The following IGF1R variants were observed in gnomAD, a reference collection of about 807,000 sequenced individuals.
IGF1R encodes insulin-like growth factor 1 receptor.
Under a neutral mutation model 144.6 loss-of-function variants are expected in IGF1R, and 44 were observed. The observed-to-expected ratio is 0.30, with a 90% CI of 0.24 to 0.39. The LOEUF is 0.39. Among genes scored for constraint, IGF1R ranks in the 10% least tolerant of loss-of-function variants. IGF1R has a pLI of 1.00. For synonymous variants in IGF1R, 795 were observed against 722.8 expected, an observed-to-expected ratio of 1.10 and a Z score of -1.60; for missense variants, 1,355 against 1,833.7, an observed-to-expected ratio of 0.74 and a Z score of 4.77.
intron 2 of IGF1R, among the ~76,000 whole-genome samples, chr15:98,723,862 A>C (rs2054300445): frequency 6.6e-6 from 1 of 152,062 alleles, no homozygotes; most frequent in Admixed American, 6.5e-5. Context: ...TTTTTTGTTT[A>C]TTAAGTGGGG....
chr15:98,701,744 A>G (rs1015177028), intron 1 of IGF1R, among the ~76,000 whole-genome samples: 1 of 152,202 alleles, frequency 6.6e-6, no homozygotes, highest in African/African-American at 2.4e-5. Context: ...AGGGATAATC[A>G]GTGTTTTTGC....
At position 98,960,683 on chromosome 15, in the gene IGF1R, C is replaced by T. The variant is rs367863292; in HGVS notation, c.*3241C>T. On this transcript the variant is annotated 3_prime_UTR_variant, in exon 21 of 21. Transcript: ENST00000650285. ...ATTGAGCACAAAGGTGCAGCTGCAG[C>T]AGCAGCTGGAGAGCAAGAGTCACCC... 13 of 233,316 alleles carry T rather than the reference C, an allele frequency of 5.6e-5. 1 individual carries two copies. The highest frequency in any genetic ancestry group is 3.0e-4 in the East Asian group (5 of 16,610). 14.5% of individuals were successfully genotyped at this position (233,316 alleles called of 1,614,324 possible).
chr15:98,657,075 C>T (rs947190808), intron 1 of IGF1R, among the ~76,000 whole-genome samples: 5 of 152,152 alleles, frequency 3.3e-5, no homozygotes, highest in Non-Finnish European at 7.3e-5. Flanking sequence ...TTGTCCTCTG[C>T]TGTAAAAAAT....
intron 2 of IGF1R, among the ~76,000 whole-genome samples, chr15:98,708,803 A>C (rs2053926639): frequency 6.6e-6 from 1 of 152,200 alleles, no homozygotes; most frequent in Non-Finnish European, 1.5e-5. Context: ...TCGTTCTTTT[A>C]TACCTGTTTA....
chr15:98,858,788 C>T (rs2011978031), intron 2 of IGF1R, among the ~76,000 whole-genome samples: 1 of 152,216 alleles, frequency 6.6e-6, no homozygotes, highest in African/African-American at 2.4e-5. Context: ...GCATCATCAT[C>T]CTTATCAGCA....
At chr15:98,909,308 C>G (rs1342203293) in intron 6 of IGF1R, among the ~76,000 whole-genome samples, 2 of 124,542 alleles carry the variant, frequency 1.6e-5, no homozygotes, top group Non-Finnish European at 3.2e-5. Flanking sequence ...GTCACCCAGG[C>G]TGGGGTGCAG....
chr15:98,906,883 A>T (rs2014758389), intron 5 of IGF1R, among the ~76,000 whole-genome samples: 1 of 152,186 alleles, frequency 6.6e-6, no homozygotes, highest in South Asian at 2.1e-4. Flanking sequence ...TTGTGTGCTC[A>T]CTGCACCCCT....
chr15:98,720,394 C>T (rs1306231877), intron 2 of IGF1R, among the ~76,000 whole-genome samples: 1 of 152,172 alleles, frequency 6.6e-6, no homozygotes, highest in Non-Finnish European at 1.5e-5. Flanking sequence ...TTGGGGACCT[C>T]GGATAGATCT....
chr15:98,852,600 C>A (rs1397786402), intron 2 of IGF1R, among the ~76,000 whole-genome samples: 1 of 152,034 alleles, frequency 6.6e-6, no homozygotes, highest in Admixed American at 6.5e-5. Flanking sequence ...AAGATGTGTT[C>A]CCCCCACTAA....
intron 2 of IGF1R, among the ~76,000 whole-genome samples, chr15:98,846,520 C>T (rs1054512088): frequency 6.6e-6 from 1 of 152,182 alleles, no homozygotes; most frequent in Non-Finnish European, 1.5e-5. Context: ...CCCAGTAGTT[C>T]TGCTGACAAG....
chr15:98,879,436 A>G (rs28448593), intron 2 of IGF1R, among the ~76,000 whole-genome samples: 39,199 of 151,956 alleles, frequency 0.26, 5,408 homozygotes, highest in East Asian at 0.42. Flanking sequence ...GCATTTCTGT[A>G]AAGATGAGGC....
intron 2 of IGF1R, among the ~76,000 whole-genome samples, chr15:98,729,577 T>A (rs972049632): frequency 1.4e-5 from 2 of 147,618 alleles, no homozygotes; most frequent in Admixed American, 6.7e-5. Context: ...TTTTTTTTTT[T>A]AAGTGAACCT....
intron 2 of IGF1R, among the ~76,000 whole-genome samples, chr15:98,748,651 A>T (rs1241161451): frequency 6.6e-6 from 1 of 152,208 alleles, no homozygotes; most frequent in Non-Finnish European, 1.5e-5. Context: ...ATCTAAAACA[A>T]ATCGCTTCTA....
chr15:98,823,423 A>G (rs550221966), intron 2 of IGF1R, among the ~76,000 whole-genome samples: 45 of 152,246 alleles, frequency 3.0e-4, no homozygotes, highest in Non-Finnish European at 3.7e-4. Context: ...AATCAGCAGC[A>G]GACTGCTAGA....
At chr15:98,878,854 G>A (rs1280338454) in intron 2 of IGF1R, among the ~76,000 whole-genome samples, 2 of 152,020 alleles carry the variant, frequency 1.3e-5, no homozygotes, top group African/African-American at 2.4e-5. Context: ...AAATTAGCTG[G>A]GCGTGGTGGT....
chr15:98,783,540 T>C, intron 2 of IGF1R, among the ~76,000 whole-genome samples: 1 of 152,248 alleles, frequency 6.6e-6, no homozygotes, highest in East Asian at 1.9e-4. Flanking sequence ...CTACATTCCA[T>C]GAGCATGGCA....
In IGF1R at chr15:98,922,388, C is replaced by T. The variant is rs2151691157; in HGVS notation, c.2442C>T (p.Gly814=). ...HSCNHEAEKL[G]CSASNFVFAR... is the part of the protein sequence containing the mutation. The stretch of plus-strand genomic sequence containing the variant: ...GCAACCACGAGGCTGAGAAGCTGGG[C>T]TGCAGCGCCTCCAACTTCGTCTTTG... Residue 814 remains glycine, a synonymous_variant, in exon 11 of 21, where the codon GGC becomes GGT. Coordinates refer to ENST00000650285, the MANE Select transcript of IGF1R (RefSeq NM_000875.5). 1 of 1,613,866 alleles carries T rather than the reference C, an allele frequency of 6.2e-7. No homozygotes were observed. The highest frequency in any genetic ancestry group is 8.5e-7 in the Non-Finnish European group (1 of 1,180,038).
intron 2 of IGF1R, among the ~76,000 whole-genome samples, chr15:98,827,905 G>A (rs1159268091): frequency 6.6e-6 from 1 of 152,156 alleles, no homozygotes; most frequent in Admixed American, 6.5e-5. Flanking sequence ...GTGGTATTCT[G>A]CAGTGGAGAA....
At chr15:98,686,490 G>A (rs557737558) in intron 1 of IGF1R, among the ~76,000 whole-genome samples, 2 of 152,220 alleles carry the variant, frequency 1.3e-5, no homozygotes, top group South Asian at 2.1e-4. Context: ...AGGAACCACT[G>A]TACTGTTTTC....
Sources: gnomAD v4.1 joint callset for allele counts (sites outside exome capture counted in the v4.1 genomes callset) on GRCh38, gnomAD v4.1.1 for gene constraint, MANE v1.5 for transcripts, NCBI Gene and HGNC (gene_info 2026-07-23, HGNC 2026-07-21) for gene names.